The following GMDS variants were observed in gnomAD, a reference collection of about 807,000 sequenced individuals.
GMDS encodes GDP-mannose 4,6 dehydratase.
A neutral mutation model predicts 49.9 loss-of-function variants in GMDS; 20 were observed. The ratio of observed to expected loss-of-function variants is 0.40; its 90% confidence interval spans 0.28 to 0.58. GMDS has a LOEUF of 0.58. Among genes scored for constraint, GMDS ranks in the 20% least tolerant of loss-of-function variants. GMDS has a pLI of 0.42. For missense variants in GMDS, 362 were observed against 481.4 expected, an observed-to-expected ratio of 0.75 and a Z score of 2.32; for synonymous variants, 177 against 178.6, an observed-to-expected ratio of 0.99 and a Z score of 0.07.
intron 7 of GMDS, among the ~76,000 whole-genome samples, chr6:1,873,530 G>A (rs1479790430): frequency 2.0e-5 from 3 of 152,184 alleles, no homozygotes; most frequent in African/African-American, 7.2e-5. Context: ...ACTGAGAAAT[G>A]AAATGCCAGC....
At chr6:1,771,356 G>A (rs898761345) in intron 7 of GMDS, among the ~76,000 whole-genome samples, 1 of 152,186 alleles carries the variant, frequency 6.6e-6, no homozygotes, top group Non-Finnish European at 1.5e-5. Flanking sequence ...GACACACTCT[G>A]GTTTGAATCC....
chr6:1,725,273 A>G (rs1487770714), intron 9 of GMDS, among the ~76,000 whole-genome samples: 1 of 152,246 alleles, frequency 6.6e-6, no homozygotes, highest in Admixed American at 6.5e-5. Context: ...TCATTAAAGC[A>G]ATAACAGCAA....
At chr6:2,239,287 C>T (rs1345695057) in intron 1 of GMDS, among the ~76,000 whole-genome samples, 1 of 149,548 alleles carries the variant, frequency 6.7e-6, no homozygotes, top group Non-Finnish European at 1.5e-5. Context: ...GAGATCATAC[C>T]ACCATTGCAC....
chr6:2,042,794 G>A (rs761105615), intron 4 of GMDS, among the ~76,000 whole-genome samples: 1 of 152,066 alleles, frequency 6.6e-6, no homozygotes, highest in Non-Finnish European at 1.5e-5. Flanking sequence ...TAAAGACCCA[G>A]TAACAACTAA....
chr6:1,689,678 C>T (rs891451579), intron 9 of GMDS, among the ~76,000 whole-genome samples: 2 of 152,190 alleles, frequency 1.3e-5, no homozygotes, highest in African/African-American at 2.4e-5. Context: ...TTTATCTTCC[C>T]AGGATTTTTG....
At chr6:1,783,675 C>A (rs1769201091) in intron 7 of GMDS, among the ~76,000 whole-genome samples, 1 of 152,122 alleles carries the variant, frequency 6.6e-6, no homozygotes, top group Admixed American at 6.5e-5. Context: ...AACATTGCTA[C>A]AATAAATACT....
chr6:1,807,302 A>G (rs978466911), intron 7 of GMDS, among the ~76,000 whole-genome samples: 1 of 152,194 alleles, frequency 6.6e-6, no homozygotes, highest in African/African-American at 2.4e-5. Context: ...TTGGCCTCCC[A>G]AAGTGTTGGG....
At chr6:2,121,915 T>C (rs1775158096) in intron 2 of GMDS, among the ~76,000 whole-genome samples, 1 of 152,160 alleles carries the variant, frequency 6.6e-6, no homozygotes, top group Non-Finnish European at 1.5e-5. Flanking sequence ...AGTTTCAAAA[T>C]GCACAGCTGG....
intron 9 of GMDS, among the ~76,000 whole-genome samples, chr6:1,718,457 A>G (rs1052272690): frequency 6.6e-6 from 1 of 152,004 alleles, no homozygotes; most frequent in African/African-American, 2.4e-5. Flanking sequence ...CTTCTCTTCC[A>G]CATGTCCTTA....
chr6:2,185,121 G>A (rs906211259), intron 1 of GMDS, among the ~76,000 whole-genome samples: 3 of 152,186 alleles, frequency 2.0e-5, no homozygotes, highest in African/African-American at 7.2e-5. Context: ...TTGACTCCAC[G>A]GTTTTTCCTG....
chr6:2,153,473 G>A (rs983908032), intron 1 of GMDS, among the ~76,000 whole-genome samples: 1 of 152,092 alleles, frequency 6.6e-6, no homozygotes, highest in African/African-American at 2.4e-5. Flanking sequence ...AACAAAGAAT[G>A]TGTCCAATAT....
chr6:2,070,772 C>G (rs1186046491), intron 4 of GMDS, among the ~76,000 whole-genome samples: 1 of 152,174 alleles, frequency 6.6e-6, no homozygotes, highest in East Asian at 1.9e-4. Flanking sequence ...TTACCTGCAA[C>G]TCCTACTTTT....
At position 1,624,131 on chromosome 6, in the gene GMDS, AT is replaced by A. The variant is rs767363853; in HGVS notation, c.*37del. 4.4e-6 allele frequency: 7 copies of A among 1,579,886 alleles called. No homozygotes were observed. In the East Asian group the frequency reaches 1.6e-4, roughly 35 times the overall value. On this transcript the variant is annotated 3_prime_UTR_variant, in exon 11 of 11. Coordinates refer to ENST00000380815, the MANE Select transcript of GMDS (RefSeq NM_001500.4). Reference sequence around the variant, plus strand: ...CGTCTGCACCGGAGACTCTGCGGGGATTGTAGCCGGAGGGCGGGCCGGGCTC... The same window carrying A: ...CGTCTGCACCGGAGACTCTGCGGGGATGTAGCCGGAGGGCGGGCCGGGCTC...
At chr6:2,192,445 C>G (rs1779073156) in intron 1 of GMDS, among the ~76,000 whole-genome samples, 1 of 152,248 alleles carries the variant, frequency 6.6e-6, no homozygotes, top group African/African-American at 2.4e-5. Flanking sequence ...GTAACACACA[C>G]AGGGCTGAAA....
intron 4 of GMDS, among the ~76,000 whole-genome samples, chr6:2,088,736 CATGGTTT>C (rs1317116556): frequency 6.6e-6 from 1 of 151,592 alleles, no homozygotes; most frequent in African/African-American, 2.4e-5. Context: ...ATGCCCTAAG[CATGGTTT>C]ATGTTGGCAC....
intron 4 of GMDS, among the ~76,000 whole-genome samples, chr6:2,102,580 G>C (rs1371517418): frequency 6.6e-6 from 1 of 152,154 alleles, no homozygotes; most frequent in African/African-American, 2.4e-5. Flanking sequence ...CGATGTTATT[G>C]CATTAAGAAA....
chr6:1,677,056 C>T (rs556656647), intron 9 of GMDS, among the ~76,000 whole-genome samples: 1 of 152,298 alleles, frequency 6.6e-6, no homozygotes, highest in South Asian at 2.1e-4. Context: ...TATACAGAAT[C>T]TACAAAGAAC....
rs1766480772 is a variant in GMDS at position 1,999,088 on chromosome 6, C to CTG, written c.346-38123_346-38122insCA. On this transcript the variant is annotated intron_variant, in intron 4 of 10. Transcript: ENST00000380815. ...CCTGTAATCCCAGCACTTTGGGAGG[C>CTG]CAAGGCGGCCATATCATGAGGTCAG... 3.9e-5 allele frequency among the ~76,000 whole-genome samples: 6 copies of CTG among 152,136 alleles called. No individual in the cohort carries two copies. In the South Asian group the frequency reaches 6.2e-4, roughly 16 times the overall value.
chr6:2,213,810 A>G (rs1351452692), intron 1 of GMDS, among the ~76,000 whole-genome samples: 1 of 152,248 alleles, frequency 6.6e-6, no homozygotes, highest in African/African-American at 2.4e-5. Flanking sequence ...AACACTCTTC[A>G]GAGTTTCTGA....
Sources: gnomAD v4.1 joint callset for allele counts (sites outside exome capture counted in the v4.1 genomes callset) on GRCh38, gnomAD v4.1.1 for gene constraint, MANE v1.5 for transcripts, NCBI Gene and HGNC (gene_info 2026-07-23, HGNC 2026-07-21) for gene names.